The following STT3B variants were observed in gnomAD, a reference collection of about 807,000 sequenced individuals.
The protein encoded by STT3B is STT3 oligosaccharyltransferase complex catalytic subunit B, also known as dolichyl-diphosphooligosaccharide--protein glycosyltransferase subunit STT3B.
Under a neutral mutation model 96.8 loss-of-function variants are expected in STT3B, and 29 were observed. The observed-to-expected ratio is 0.30, with a 90% CI of 0.22 to 0.41. The LOEUF (loss-of-function observed/expected upper bound fraction) is 0.41. Ranked by LOEUF, STT3B falls within the 10% of genes least tolerant of loss-of-function variation. The pLI is 1.00. For synonymous variants in STT3B, 367 were observed against 360.0 expected (o/e 1.02, Z -0.22); for missense variants, 640 against 1,022.3 (o/e 0.63, Z 5.10).
chr3:31,583,770 CT>C (rs1050941392), intron 3 of STT3B, among the ~76,000 whole-genome samples: 12 of 151,328 alleles, frequency 7.9e-5, no homozygotes, highest in African/African-American at 2.2e-4. Context: ...TGCCTTATAG[CT>C]TTTTTTTTGT....
chr3:31,592,809 G>A (rs546703472), intron 3 of STT3B, among the ~76,000 whole-genome samples: 1 of 152,288 alleles, frequency 6.6e-6, no homozygotes, highest in East Asian at 1.9e-4. Flanking sequence ...GATTTTGAAT[G>A]TCATAGTCTT....
At chr3:31,620,890 C>T in intron 9 of STT3B, among the ~76,000 whole-genome samples, 1 of 151,618 alleles carries the variant, frequency 6.6e-6, no homozygotes, top group Non-Finnish European at 1.5e-5. Context: ...TAAAGGATTG[C>T]ACACTCATTG....
intron 8 of STT3B, among the ~76,000 whole-genome samples, chr3:31,619,003 G>T (rs1699373199): frequency 6.6e-6 from 1 of 151,840 alleles, no homozygotes; most frequent in Non-Finnish European, 1.5e-5. Context: ...GAATCTCAGG[G>T]TGTTTCAGTA....
chr3:31,562,475 G>A (rs912345955), intron 1 of STT3B, among the ~76,000 whole-genome samples: 4 of 152,150 alleles, frequency 2.6e-5, no homozygotes, highest in African/African-American at 9.7e-5. Context: ...TTGCTTTGGT[G>A]GGGGTATGGA....
intron 5 of STT3B, among the ~76,000 whole-genome samples, chr3:31,608,850 C>T (rs1333928793): frequency 6.6e-6 from 1 of 152,210 alleles, no homozygotes; most frequent in African/African-American, 2.4e-5. Flanking sequence ...GGTGCAGTGG[C>T]TCACGCCTGT....
At chr3:31,607,223 AATGAGT>A (rs1476817555) in intron 5 of STT3B, among the ~76,000 whole-genome samples, 1 of 152,122 alleles carries the variant, frequency 6.6e-6, no homozygotes, top group African/African-American at 2.4e-5. Flanking sequence ...TTAATGCTGA[AATGAGT>A]TAAGACTTGG....
In STT3B at chr3:31,536,531, A is replaced by G. The variant is rs114717962; in HGVS notation, c.314+3219A>G. 4.9e-3 allele frequency among the ~76,000 whole-genome samples: 743 copies of G among 152,324 alleles called. 9 individuals carry two copies. Among genetic ancestry groups the G allele is most frequent in the African/African-American group, 0.016 (679 of 41,582 alleles). ...TGTGAGCTATTTCTTTAAATTTTAC[A>G]GTAGTTCTTAAATTGTGTAAAAGAC... On this transcript the variant is annotated intron_variant, in intron 1 of 15. Transcript: ENST00000295770.
At chr3:31,578,291 T>G (rs1261975074) in intron 2 of STT3B, among the ~76,000 whole-genome samples, 1 of 152,142 alleles carries the variant, frequency 6.6e-6, no homozygotes, top group Non-Finnish European at 1.5e-5. Flanking sequence ...TCAGGCCTGG[T>G]TATGTTTGGC....
At chr3:31,614,529 G>T (rs952279728) in intron 5 of STT3B, among the ~76,000 whole-genome samples, 1 of 151,844 alleles carries the variant, frequency 6.6e-6, no homozygotes, top group South Asian at 2.1e-4. Context: ...TTCAGTAGCT[G>T]GTCTGTATAA....
chr3:31,623,744 G>A lies in STT3B; in HGVS notation c.1610G>A (p.Ser537Asn). Reference sequence around the variant, plus strand: ...GAGGGATTAGGCCCTAATATAAAAAGCATTGTCACCATGTTGATGCTGATG... The same window carrying A: ...GAGGGATTAGGCCCTAATATAAAAAACATTGTCACCATGTTGATGCTGATG... ...TEEGLGPNIK[S>N]IVTMLMLMLL... Residue 537 changes from serine (S) to asparagine (N), a missense_variant, in exon 11 of 16, where the codon AGC (serine) becomes AAC (asparagine). Transcript: ENST00000295770. 6.2e-7 allele frequency: 1 copy of A among 1,614,014 alleles called. No homozygotes were observed. Among genetic ancestry groups the A allele is most frequent in the Middle Eastern group, 1.7e-4 (1 of 6,060 alleles).
intron 1 of STT3B, among the ~76,000 whole-genome samples, chr3:31,543,083 A>AAAAG (rs1553601795): frequency 6.6e-6 from 1 of 151,462 alleles, no homozygotes; most frequent in Non-Finnish European, 1.5e-5. Flanking sequence ...AAAAAAAAAA[A>AAAAG]AGAGAAAGAA....
intron 3 of STT3B, among the ~76,000 whole-genome samples, chr3:31,591,170 C>G (rs547257810): frequency 6.6e-6 from 1 of 152,022 alleles, no homozygotes; most frequent in Non-Finnish European, 1.5e-5. Context: ...TCCCTGTATA[C>G]TTAAAATTTT....
chr3:31,535,722 C>T (rs1341170331), intron 1 of STT3B, among the ~76,000 whole-genome samples: 1 of 152,032 alleles, frequency 6.6e-6, no homozygotes, highest in African/African-American at 2.4e-5. Context: ...GAAACTCCGA[C>T]TCAAAAAAGA....
chr3:31,556,771 T>C (rs575002838), intron 1 of STT3B, among the ~76,000 whole-genome samples: 2 of 152,354 alleles, frequency 1.3e-5, no homozygotes, highest in Admixed American at 1.3e-4. Context: ...GTGAGTTCTT[T>C]CTAGGTTCTG....
At chr3:31,552,885 C>T (rs892420057) in intron 1 of STT3B, among the ~76,000 whole-genome samples, 11 of 151,952 alleles carry the variant, frequency 7.2e-5, no homozygotes, top group African/African-American at 2.4e-4. Context: ...GGGCGGATCA[C>T]GAGGTCAGGA....
At chr3:31,545,814 G>GT (rs11350127) in intron 1 of STT3B, among the ~76,000 whole-genome samples, 1,501 of 138,108 alleles carry the variant, frequency 0.011, 15 homozygotes, top group African/African-American at 0.027. Context: ...ATTAGGAGTG[G>GT]TTTTTTTTTT....
chr3:31,570,473 G>A (rs977233025), intron 1 of STT3B, among the ~76,000 whole-genome samples: 3 of 152,104 alleles, frequency 2.0e-5, no homozygotes, highest in African/African-American at 7.2e-5. Context: ...ATGATCGTAT[G>A]AAGAAGTGAG....
At chr3:31,577,389 A>G (rs1384446003) in intron 2 of STT3B, among the ~76,000 whole-genome samples, 1 of 152,136 alleles carries the variant, frequency 6.6e-6, no homozygotes, top group East Asian at 1.9e-4. Context: ...TATTTTCATT[A>G]TCATTTAAAA....
chr3:31,630,948 C>T (rs1376351948), intron 14 of STT3B, among the ~76,000 whole-genome samples: 2 of 152,038 alleles, frequency 1.3e-5, no homozygotes, highest in Non-Finnish European at 2.9e-5. Context: ...AGGCGGCTGC[C>T]ACCACACCTG....
Sources: allele counts gnomAD v4.1 joint callset (sites outside exome capture counted in the v4.1 genomes callset), GRCh38; gene constraint gnomAD v4.1.1; transcripts MANE v1.5; gene names NCBI Gene and HGNC (gene_info 2026-07-23, HGNC 2026-07-21).